MAD1L1: variants seen among roughly 807,000 people sequenced by gnomAD.
MAD1L1 encodes mitotic arrest deficient 1 like 1.
Under a neutral mutation model 96.9 loss-of-function variants are expected in MAD1L1, and 95 were observed. That is an observed-to-expected ratio of 0.98 (90% CI 0.83 to 1.16). The LOEUF (loss-of-function observed/expected upper bound fraction) is 1.16. Ranked by LOEUF, MAD1L1 falls within the 50% of genes most tolerant of loss-of-function variation. The probability of loss-of-function intolerance (pLI) is 0.00; values close to 1 mark genes in which losing one functional copy is unlikely to be tolerated. For synonymous variants in MAD1L1, 473 were observed against 396.6 expected, an observed-to-expected ratio of 1.19 and a Z score of -2.29; for missense variants, 1,007 against 954.4, an observed-to-expected ratio of 1.06 and a Z score of -0.73.
At chr7:2,014,379 C>G in intron 13 of MAD1L1, 123 bp downstream of exon 13, 2 of 1,314,112 alleles carry the variant, frequency 1.5e-6, no homozygotes. Flanking sequence ...CTGACAGACA[C>G]CTGCCAGCCG....
intron 10 of MAD1L1, among the ~76,000 whole-genome samples, chr7:2,160,706 C>T (rs1360994094): frequency 6.6e-6 from 1 of 152,024 alleles, no homozygotes; most frequent in Non-Finnish European, 1.5e-5. Flanking sequence ...GACCTCAGCT[C>T]ACTGGAATCT....
At chr7:2,166,536 C>T (rs1790436804) in intron 10 of MAD1L1, among the ~76,000 whole-genome samples, 1 of 152,236 alleles carries the variant, frequency 6.6e-6, no homozygotes, top group Admixed American at 6.5e-5. Flanking sequence ...TCCCTGTTTC[C>T]TCACTCTTTG....
intron 17 of MAD1L1, among the ~76,000 whole-genome samples, chr7:1,901,397 G>A (rs1417742790): frequency 2.6e-5 from 4 of 152,218 alleles, no homozygotes; most frequent in Non-Finnish European, 4.4e-5. Context: ...TGGATCCTGG[G>A]CAGGCTCCTC....
chr7:1,856,027 C>T (rs879485242), intron 18 of MAD1L1, among the ~76,000 whole-genome samples: 11 of 152,166 alleles, frequency 7.2e-5, no homozygotes, highest in South Asian at 6.2e-4. Flanking sequence ...ACGTGGGGTG[C>T]GGTGAGGGAG....
intron 12 of MAD1L1, among the ~76,000 whole-genome samples, chr7:2,031,121 G>A (rs1031462088): frequency 6.6e-6 from 1 of 152,166 alleles, no homozygotes; most frequent in South Asian, 2.1e-4. Context: ...CTGCACCTAC[G>A]CGAGCTCTCC....
At chr7:2,155,268 G>A (rs117696768) in intron 10 of MAD1L1, among the ~76,000 whole-genome samples, 1,841 of 152,262 alleles carry the variant, frequency 0.012, 63 homozygotes, top group Admixed American at 0.069. Context: ...ACCTGGCCAC[G>A]GTGGCATCCT....
intron 10 of MAD1L1, among the ~76,000 whole-genome samples, chr7:2,170,155 T>C (rs1233903310): frequency 6.6e-6 from 1 of 152,212 alleles, no homozygotes; most frequent in East Asian, 1.9e-4. Context: ...GGCTTGTCCC[T>C]ATGGGCTTTG....
chr7:2,014,486 G>A lies in MAD1L1; in HGVS notation c.1359+16C>T, dbSNP rs376055349. ...CCCCACCTGGCGACGTGAGCCCCAC[G>A]CCCGCGGCCCCTCACCTCCATCTCG... On this transcript the variant is annotated intron_variant, in intron 13 of 18. Transcript: ENST00000265854. The A allele has an allele frequency of 3.1e-5, 48 of 1,548,504 alleles. No individual in the cohort carries two copies. The highest frequency in any genetic ancestry group is 4.2e-4 in the Middle Eastern group (2 of 4,784).
At chr7:2,198,748 T>C (rs1409599795) in intron 10 of MAD1L1, among the ~76,000 whole-genome samples, 1 of 152,152 alleles carries the variant, frequency 6.6e-6, no homozygotes, top group East Asian at 1.9e-4. Flanking sequence ...CACATGCTCT[T>C]GGTAGCCCCT....
intron 4 of MAD1L1, among the ~76,000 whole-genome samples, chr7:2,224,058 A>T (rs1793752533): frequency 6.6e-6 from 1 of 151,478 alleles, no homozygotes. Context: ...CCCTACAATG[A>T]CCCCTCCCTC....
intron 10 of MAD1L1, among the ~76,000 whole-genome samples, chr7:2,191,002 G>A (rs1319769985): frequency 6.6e-6 from 1 of 152,188 alleles, no homozygotes; most frequent in Non-Finnish European, 1.5e-5. Flanking sequence ...CATACATAAA[G>A]AGACTTCAAT....
chr7:1,873,293 T>C (rs1378069489), intron 18 of MAD1L1, among the ~76,000 whole-genome samples: 2 of 152,210 alleles, frequency 1.3e-5, no homozygotes, highest in Non-Finnish European at 2.9e-5. Context: ...GTCCGGGTCC[T>C]GTCCTGGGGC....
At chr7:2,220,817 G>C (rs1009279434) in intron 5 of MAD1L1, 1 of 1,430,218 alleles carries the variant, frequency 7.0e-7, no homozygotes, top group East Asian at 2.4e-5. Flanking sequence ...AAAGAAGAAA[G>C]GTATTAAAAA....
intron 17 of MAD1L1, among the ~76,000 whole-genome samples, chr7:1,935,192 T>A (rs992588243): frequency 2.0e-5 from 3 of 152,246 alleles, no homozygotes; most frequent in African/African-American, 7.2e-5. Context: ...CAAGTCTGCA[T>A]CCTCAGCTCC....
chr7:1,874,504 T>A (rs112425367), intron 18 of MAD1L1: 44,873 of 454,568 alleles, frequency 0.099, 2,897 homozygotes, highest in Non-Finnish European at 0.13. Flanking sequence ...ATCTTGATAA[T>A]CCTATAGCTT....
At chr7:2,209,563 C>T (rs556862877) in intron 10 of MAD1L1, among the ~76,000 whole-genome samples, 38 of 152,358 alleles carry the variant, frequency 2.5e-4, no homozygotes, top group South Asian at 6.2e-4. Flanking sequence ...CCAGTGTCAG[C>T]AAGCAAGTCC....
At chr7:2,173,034 G>A (rs111380135) in intron 10 of MAD1L1, among the ~76,000 whole-genome samples, 1 of 152,156 alleles carries the variant, frequency 6.6e-6, no homozygotes, top group African/African-American at 2.4e-5. Context: ...CGTATTCCTC[G>A]TGAAGTTACA....
At chr7:1,945,598 G>A (rs1264011300) in intron 16 of MAD1L1, among the ~76,000 whole-genome samples, 2 of 152,248 alleles carry the variant, frequency 1.3e-5, no homozygotes, top group African/African-American at 4.8e-5. Context: ...ATGAAGGGAA[G>A]GAGGGTGAGG....
chr7:2,004,202 A>G lies in MAD1L1; in HGVS notation c.1360-2081T>C, dbSNP rs1781928647. On this transcript the variant is annotated intron_variant, in intron 13 of 18. Coordinates refer to ENST00000265854, the MANE Select transcript of MAD1L1 (RefSeq NM_001013836.2). Reference sequence around the variant, plus strand: ...AGCAGCCCAAACAGGGGGGACGACAACAAGGCTCTGAGGTGGCCTGGGCAG... The same window carrying G: ...AGCAGCCCAAACAGGGGGGACGACAGCAAGGCTCTGAGGTGGCCTGGGCAG... 2.0e-5 allele frequency among the ~76,000 whole-genome samples: 3 copies of G among 152,286 alleles called. No individual in the cohort carries two copies. The South Asian group carries it at 6.2e-4, about 32-fold the overall frequency.
Sources: gnomAD v4.1 joint callset for allele counts (sites outside exome capture counted in the v4.1 genomes callset) on GRCh38, gnomAD v4.1.1 for gene constraint, MANE v1.5 for transcripts, NCBI Gene and HGNC (gene_info 2026-07-23, HGNC 2026-07-21) for gene names.